PTN: variants seen among roughly 807,000 people sequenced by gnomAD.
PTN encodes the protein heparin affin regulatory protein.
Under a neutral mutation model 24.1 loss-of-function variants are expected in PTN, and 18 were observed. The observed-to-expected ratio is 0.75, with a 90% CI of 0.52 to 1.11. The LOEUF (loss-of-function observed/expected upper bound fraction) is 1.11, where lower values mean the gene tolerates loss of function less well. Ranked by LOEUF, PTN falls within the 50% of genes least tolerant of loss-of-function variation. PTN has a pLI of 0.00. For synonymous variants in PTN, 78 were observed against 68.6 expected (o/e 1.14, Z -0.67); for missense variants, 163 against 198.8 (o/e 0.82, Z 1.08).
intron 1 of PTN, among the ~76,000 whole-genome samples, chr7:137,320,210 C>T (rs911025407): frequency 1.3e-5 from 2 of 152,210 alleles, no homozygotes; most frequent in Admixed American, 1.3e-4. Context: ...TTCTACTCAT[C>T]TTTCACCATA....
At chr7:137,265,500 G>A (rs1462890427) in intron 1 of PTN, among the ~76,000 whole-genome samples, 1 of 152,224 alleles carries the variant, frequency 6.6e-6, no homozygotes. Context: ...GGAATGCTAA[G>A]TTTCCTCCCT....
intron 4 of PTN, among the ~76,000 whole-genome samples, chr7:137,229,675 T>C (rs1808395648): frequency 6.6e-6 from 1 of 151,792 alleles, no homozygotes; most frequent in South Asian, 2.1e-4. Context: ...ATTCATTCCA[T>C]TCATGACTTC....
At chr7:137,307,520 T>A (rs1325044646) in intron 1 of PTN, among the ~76,000 whole-genome samples, 2 of 152,146 alleles carry the variant, frequency 1.3e-5, no homozygotes, top group Non-Finnish European at 2.9e-5. Context: ...AATTCATTTT[T>A]TAAATTTTTA....
intron 4 of PTN, among the ~76,000 whole-genome samples, chr7:137,235,908 G>A (rs1440231685): frequency 1.3e-5 from 2 of 152,066 alleles, no homozygotes; most frequent in South Asian, 2.1e-4. Flanking sequence ...GTGTCTAGAT[G>A]CAGACTAAAC....
chr7:137,294,580 G>A (rs1310673465), intron 1 of PTN, among the ~76,000 whole-genome samples: 1 of 152,034 alleles, frequency 6.6e-6, no homozygotes, highest in Middle Eastern at 3.2e-3. Context: ...CCCACCAAGA[G>A]AGTCTGGCCT....
chr7:137,322,314 T>C (rs1189771556), intron 1 of PTN, among the ~76,000 whole-genome samples: 1 of 152,198 alleles, frequency 6.6e-6, no homozygotes. Context: ...ACTGGTGACA[T>C]CTATAGCCCA....
At chr7:137,242,130 G>A (rs1808639109) in intron 4 of PTN, among the ~76,000 whole-genome samples, 1 of 152,186 alleles carries the variant, frequency 6.6e-6, no homozygotes, top group Non-Finnish European at 1.5e-5. Context: ...AGAATGCTGG[G>A]AATATCACTT....
intron 4 of PTN, among the ~76,000 whole-genome samples, chr7:137,230,004 C>T (rs1402874697): frequency 1.3e-5 from 2 of 151,730 alleles, no homozygotes; most frequent in Non-Finnish European, 2.9e-5. Flanking sequence ...TCCTCATGTC[C>T]CTTCCTGGAA....
intron 1 of PTN, among the ~76,000 whole-genome samples, chr7:137,309,739 C>A (rs771469306): frequency 4.6e-5 from 7 of 152,146 alleles, no homozygotes. Context: ...CATGAGATTG[C>A]AGCAACTCAG....
chr7:137,285,998 AGAAG>A (rs1314919743), intron 1 of PTN, among the ~76,000 whole-genome samples: 4 of 152,164 alleles, frequency 2.6e-5, no homozygotes, highest in African/African-American at 9.7e-5. Flanking sequence ...CGTAGGAAAT[AGAAG>A]GAAGGAAAAT....
At chr7:137,308,175 G>C (rs528824063) in intron 1 of PTN, among the ~76,000 whole-genome samples, 2 of 152,234 alleles carry the variant, frequency 1.3e-5, no homozygotes, top group East Asian at 3.9e-4. Context: ...CCAACTCATT[G>C]TTTATTATCT....
At chr7:137,320,120 T>C (rs992961870) in intron 1 of PTN, among the ~76,000 whole-genome samples, 1 of 152,244 alleles carries the variant, frequency 6.6e-6, no homozygotes, top group African/African-American at 2.4e-5. Flanking sequence ...ATGACAATCA[T>C]TGAGCATCCT....
At chr7:137,245,055 G>A (rs1424041411) in intron 4 of PTN, among the ~76,000 whole-genome samples, 1 of 152,058 alleles carries the variant, frequency 6.6e-6, no homozygotes, top group Non-Finnish European at 1.5e-5. Flanking sequence ...ACATCTTTAT[G>A]TTTCATTCTA....
intron 1 of PTN, among the ~76,000 whole-genome samples, chr7:137,258,711 G>C (rs322315): frequency 0.49 from 74,167 of 151,892 alleles, 19,027 homozygotes; most frequent in African/African-American, 0.66. Context: ...AGTATACATA[G>C]GGGTAGATAA....
chr7:137,259,336 T>TG (rs1563202877), intron 1 of PTN, among the ~76,000 whole-genome samples: 1 of 152,022 alleles, frequency 6.6e-6, no homozygotes, highest in African/African-American at 2.4e-5. Flanking sequence ...GCGACCTATT[T>TG]GGGGGATTAA....
chr7:137,317,196 A>G (rs1810087112), intron 1 of PTN, among the ~76,000 whole-genome samples: 1 of 152,162 alleles, frequency 6.6e-6, no homozygotes, highest in Admixed American at 6.5e-5. Context: ...GGGGCTGGCC[A>G]TTCAGATGGA....
chr7:137,289,141 G>A (rs1809602269), intron 1 of PTN, among the ~76,000 whole-genome samples: 1 of 152,096 alleles, frequency 6.6e-6, no homozygotes, highest in Non-Finnish European at 1.5e-5. Flanking sequence ...AGGAGAAGTG[G>A]TAAAAGCAAG....
chr7:137,278,305 T>A (rs1450117286), intron 1 of PTN, among the ~76,000 whole-genome samples: 2 of 11,534 alleles, frequency 1.7e-4, no homozygotes, highest in African/African-American at 3.7e-4. Flanking sequence ...AGACTCCGTC[T>A]CAAAAAAAAA....
chr7:137,309,904 C>A, intron 1 of PTN, among the ~76,000 whole-genome samples: 1 of 152,190 alleles, frequency 6.6e-6, no homozygotes, highest in East Asian at 1.9e-4. Context: ...TGACCTCCTC[C>A]CATGAATCAG....
Sources: allele counts gnomAD v4.1 joint callset (sites outside exome capture counted in the v4.1 genomes callset), GRCh38; gene constraint gnomAD v4.1.1; transcripts MANE v1.5; gene names NCBI Gene and HGNC (gene_info 2026-07-23, HGNC 2026-07-21).